MAP4K4: variants seen among roughly 807,000 people sequenced by gnomAD.
The protein encoded by MAP4K4 is mitogen-activated protein kinase kinase kinase kinase 4.
Under a neutral mutation model 189.6 loss-of-function variants are expected in MAP4K4, and 38 were observed. The ratio of observed to expected loss-of-function variants is 0.20; its 90% CI spans 0.15 to 0.26. MAP4K4 has a LOEUF of 0.26. Among genes scored for constraint, MAP4K4 ranks in the 10% least tolerant of loss-of-function variants. The pLI, the probability that MAP4K4 is intolerant of heterozygous loss-of-function variation, is 1.00. For synonymous variants in MAP4K4, 610 were observed against 624.3 expected (o/e 0.98, Z 0.34); for missense variants, 1,054 against 1,726.9 (o/e 0.61, Z 6.91).
At chr2:101,756,729 ATT>A (rs34314872) in intron 2 of MAP4K4, among the ~76,000 whole-genome samples, 16 of 124,962 alleles carry the variant, frequency 1.3e-4, no homozygotes, top group Admixed American at 1.6e-4. Context: ...TAATTTTTGT[ATT>A]TTTTTTTTTT....
exon 15 of MAP4K4, chr2:101,859,860 G>A (rs564269420): frequency 5.0e-6 from 8 of 1,597,696 alleles, no homozygotes; most frequent in East Asian, 4.5e-5. Context: ...GACCGAGCGC[G>A]AGAGGTATCC....
chr2:101,773,390 C>A (rs1040475735), intron 2 of MAP4K4, among the ~76,000 whole-genome samples: 5 of 152,224 alleles, frequency 3.3e-5, no homozygotes, highest in Non-Finnish European at 7.3e-5. Flanking sequence ...GGCCCAGAGG[C>A]GACCTGGGTT....
At chr2:101,888,755 T>C (rs1577503048) in intron 31 of MAP4K4, 41 bp from the exon 32 acceptor site, 2 of 1,509,780 alleles carry the variant, frequency 1.3e-6, no homozygotes, top group East Asian at 4.7e-5. Flanking sequence ...CAGGGCTGTT[T>C]CCTCATCTTT....
At chr2:101,804,228 C>G (rs1251656149) in intron 3 of MAP4K4, among the ~76,000 whole-genome samples, 1 of 152,186 alleles carries the variant, frequency 6.6e-6, no homozygotes, top group African/African-American at 2.4e-5. Flanking sequence ...ATCCTGCTCC[C>G]AAGCTTGCAG....
In MAP4K4 at chr2:101,725,842, T is replaced by C. The variant is rs1346207379; in HGVS notation, c.123+27304T>C. Among the ~76,000 whole-genome samples the C allele has an allele frequency of 5.3e-5, 8 of 152,360 alleles. No homozygotes were observed. The East Asian group carries it at 1.5e-3, about 29-fold the overall frequency. ...TGGTCTCACATGGCATTCTGTCCTC[T>C]TCAGGGCAGGCTCTGTAGTTGATGT... is the stretch of plus-strand genomic sequence containing the variant. On this transcript the variant is annotated intron_variant, in intron 2 of 32. Transcript: ENST00000324219.
intron 2 of MAP4K4, among the ~76,000 whole-genome samples, chr2:101,738,295 G>C (rs1341357393): frequency 1.3e-5 from 2 of 152,148 alleles, no homozygotes; most frequent in African/African-American, 2.4e-5. Flanking sequence ...AACAGCTTCT[G>C]ATCAGAAACT....
intron 13 of MAP4K4, among the ~76,000 whole-genome samples, chr2:101,856,515 A>G (rs2097469119): frequency 6.6e-6 from 1 of 152,198 alleles, no homozygotes; most frequent in African/African-American, 2.4e-5. Context: ...AAAAACCAAC[A>G]GTAAGAAATT....
chr2:101,731,658 G>A (rs1161141000), intron 2 of MAP4K4, among the ~76,000 whole-genome samples: 1 of 151,932 alleles, frequency 6.6e-6, no homozygotes, highest in Non-Finnish European at 1.5e-5. Flanking sequence ...GACTGAGGTG[G>A]GAGGATAGCT....
intron 3 of MAP4K4, among the ~76,000 whole-genome samples, chr2:101,817,191 T>C (rs563971061): frequency 4.5e-4 from 69 of 152,248 alleles, no homozygotes; most frequent in African/African-American, 1.6e-3. Flanking sequence ...TGTCTATAGA[T>C]TGGGGCTCGA....
chr2:101,867,151 C>T, intron 19 of MAP4K4, 61 bp from the exon 20 acceptor site: 1 of 1,122,068 alleles, frequency 8.9e-7, no homozygotes. Flanking sequence ...AGGGCAGCTT[C>T]ATAATACACA....
At chr2:101,845,719 T>G (rs2149615326) in intron 12 of MAP4K4, among the ~76,000 whole-genome samples, 1 of 152,344 alleles carries the variant, frequency 6.6e-6, no homozygotes, top group African/African-American at 2.4e-5. Flanking sequence ...CTATTTCACT[T>G]GGGGATCAGA....
chr2:101,867,989 G>T, intron 20 of MAP4K4, 40 bp from the exon 21 acceptor site: 1 of 1,611,846 alleles, frequency 6.2e-7, no homozygotes, highest in Non-Finnish European at 8.5e-7. Context: ...CCTCATCAAC[G>T]ATGGCTTCTC....
chr2:101,859,558 C>T, intron 14 of MAP4K4, 85 bp from the exon 15 acceptor site: 5 of 1,094,916 alleles, frequency 4.6e-6, no homozygotes, highest in Non-Finnish European at 6.5e-6. Flanking sequence ...TATATGGTCA[C>T]TTTTTTTAAA....
At chr2:101,833,644 A>G (rs566568210) in intron 7 of MAP4K4, among the ~76,000 whole-genome samples, 2 of 151,984 alleles carry the variant, frequency 1.3e-5, no homozygotes, top group East Asian at 3.9e-4. Context: ...AAGAAATATC[A>G]TCTGATAAGA....
chr2:101,870,361 A>G, exon 23 of MAP4K4: 1 of 1,613,750 alleles, frequency 6.2e-7, no homozygotes, highest in Non-Finnish European at 8.5e-7. Context: ...ATGATGATGT[A>G]GAAAGTGAGC....
chr2:101,726,600 C>T (rs6543092), intron 2 of MAP4K4, among the ~76,000 whole-genome samples: 114,483 of 152,134 alleles, frequency 0.75, 43,534 homozygotes, highest in African/African-American at 0.88. Context: ...CTAGTTTAGC[C>T]GATGCTTTGT....
intron 24 of MAP4K4, among the ~76,000 whole-genome samples, chr2:101,872,856 T>G (rs1376831080): frequency 9.2e-5 from 14 of 152,194 alleles, no homozygotes; most frequent in Non-Finnish European, 2.1e-4. Context: ...CTCACATTCT[T>G]CCTTATATTT....
At chr2:101,704,535 G>GTATATATA (rs1559012729) in intron 2 of MAP4K4, among the ~76,000 whole-genome samples, 1 of 75,558 alleles carries the variant, frequency 1.3e-5, no homozygotes, top group African/African-American at 6.5e-5. Flanking sequence ...GTGTGTGTGT[G>GTATATATA]TGTGTGTATA....
At chr2:101,819,714 G>T (rs2149278204) in intron 3 of MAP4K4, among the ~76,000 whole-genome samples, 1 of 152,286 alleles carries the variant, frequency 6.6e-6, no homozygotes, top group Admixed American at 6.5e-5. Context: ...TGTATTTCTG[G>T]ATGATATTTC....
Sources: gnomAD v4.1 joint callset for allele counts (sites outside exome capture counted in the v4.1 genomes callset) on GRCh38, gnomAD v4.1.1 for gene constraint, MANE v1.5 for transcripts, NCBI Gene and HGNC (gene_info 2026-07-23, HGNC 2026-07-21) for gene names.